Variants in DCC observed in about 807,000 individuals in gnomAD.
DCC encodes the protein netrin receptor DCC.
Under a neutral mutation model 172.5 loss-of-function variants are expected in DCC, and 58 were observed. The ratio of observed to expected loss-of-function variants is 0.34; its 90% CI spans 0.27 to 0.42. DCC has a LOEUF of 0.42. Among genes scored for constraint, DCC ranks in the 10% least tolerant of loss-of-function variants. The probability of loss-of-function intolerance (pLI) is 1.00; values close to 1 mark genes in which losing one functional copy is unlikely to be tolerated. For missense variants in DCC, 1,740 were observed against 1,791.0 expected, an observed-to-expected ratio of 0.97 and a Z score of 0.51; for synonymous variants, 709 against 644.5, an observed-to-expected ratio of 1.10 and a Z score of -1.52.
intron 1 of DCC, among the ~76,000 whole-genome samples, chr18:52,398,689 A>G (rs1044117317): frequency 5.9e-5 from 9 of 152,004 alleles, no homozygotes; most frequent in African/African-American, 2.2e-4. Context: ...ACGTGCCATA[A>G]AACAGCAACT....
At chr18:53,127,123 G>A (rs1204627798) in intron 7 of DCC, among the ~76,000 whole-genome samples, 2 of 145,476 alleles carry the variant, frequency 1.4e-5, no homozygotes, top group East Asian at 4.1e-4. Context: ...TACGAGACTA[G>A]CTTTTGATCG....
intron 1 of DCC, among the ~76,000 whole-genome samples, chr18:52,571,326 CTATAT>C (rs892446410): frequency 4.9e-5 from 7 of 143,460 alleles, no homozygotes; most frequent in Admixed American, 4.2e-4. Context: ...GGGAATCACC[CTATAT>C]ATATTACGGG....
intron 2 of DCC, among the ~76,000 whole-genome samples, chr18:52,764,704 C>T (rs375892018): frequency 3.3e-5 from 5 of 152,054 alleles, no homozygotes; most frequent in African/African-American, 1.2e-4. Context: ...AACCGAAAGC[C>T]AAATGAACGT....
intron 5 of DCC, among the ~76,000 whole-genome samples, chr18:53,054,057 C>G (rs2042370014): frequency 6.6e-6 from 1 of 151,990 alleles, no homozygotes; most frequent in Non-Finnish European, 1.5e-5. Flanking sequence ...TGTGAATGCT[C>G]AAATTCCTGA....
chr18:53,185,998 A>G (rs1273758440), intron 9 of DCC, among the ~76,000 whole-genome samples: 1 of 152,214 alleles, frequency 6.6e-6, no homozygotes, highest in African/African-American at 2.4e-5. Flanking sequence ...TCCGAAGTTC[A>G]ACTGAAAGTG....
intron 12 of DCC, among the ~76,000 whole-genome samples, chr18:53,259,642 C>T (rs997978913): frequency 9.2e-5 from 14 of 152,130 alleles, no homozygotes; most frequent in East Asian, 1.9e-4. Flanking sequence ...CTGCCCTTAA[C>T]ATTTTTTCCT....
intron 2 of DCC, among the ~76,000 whole-genome samples, chr18:52,802,836 G>C (rs2038018614): frequency 6.6e-6 from 1 of 151,032 alleles, no homozygotes; most frequent in African/African-American, 2.4e-5. Context: ...ATAGCCTATT[G>C]TTGACCAGAA....
intron 2 of DCC, among the ~76,000 whole-genome samples, chr18:52,883,682 G>A (rs2039528133): frequency 1.3e-5 from 2 of 150,792 alleles, no homozygotes; most frequent in Admixed American, 1.3e-4. Context: ...AGTTGTGGTA[G>A]TTACTGCTTT....
At chr18:52,477,527 A>C (rs1458533679) in intron 1 of DCC, among the ~76,000 whole-genome samples, 2 of 152,218 alleles carry the variant, frequency 1.3e-5, no homozygotes, top group African/African-American at 4.8e-5. Flanking sequence ...GTTCTCATGC[A>C]TGATTTGCCT....
intron 28 of DCC, among the ~76,000 whole-genome samples, chr18:53,529,150 G>C (rs541260136): frequency 5.3e-5 from 8 of 151,764 alleles, no homozygotes; most frequent in Non-Finnish European, 1.2e-4. Context: ...AAGCCCTGAA[G>C]ATTGGGTAGT....
intron 12 of DCC, among the ~76,000 whole-genome samples, chr18:53,271,683 G>C (rs925029836): frequency 6.6e-6 from 1 of 152,080 alleles, no homozygotes; most frequent in South Asian, 2.1e-4. Flanking sequence ...GCTATCTTTT[G>C]TGACCTTTTT....
intron 1 of DCC, among the ~76,000 whole-genome samples, chr18:52,449,711 A>G (rs145614933): frequency 6.6e-6 from 1 of 152,312 alleles, no homozygotes; most frequent in East Asian, 1.9e-4. Context: ...TGTAGCCTCC[A>G]TAATTCCCAT....
intron 5 of DCC, among the ~76,000 whole-genome samples, chr18:53,009,246 T>C (rs1282563795): frequency 1.3e-5 from 2 of 151,996 alleles, no homozygotes; most frequent in Non-Finnish European, 2.9e-5. Flanking sequence ...CCTATAAATG[T>C]ATTTATAAGC....
intron 7 of DCC, among the ~76,000 whole-genome samples, chr18:53,128,870 CATATAT>C (rs367907467): frequency 0.012 from 915 of 77,426 alleles, 2 homozygotes; most frequent in African/African-American, 0.022. Context: ...CACACACACA[CATATAT>C]ATATATATAT....
intron 5 of DCC, among the ~76,000 whole-genome samples, chr18:52,970,817 G>A (rs2041016954): frequency 6.6e-6 from 1 of 152,136 alleles, no homozygotes; most frequent in African/African-American, 2.4e-5. Context: ...TATGTAGTTA[G>A]TAACAAGTGG....
At chr18:52,802,763 C>T (rs986605424) in intron 2 of DCC, among the ~76,000 whole-genome samples, 7 of 144,710 alleles carry the variant, frequency 4.8e-5, no homozygotes, top group African/African-American at 1.8e-4. Flanking sequence ...GCCTCAGCCT[C>T]CCAAAGTGTA....
chr18:53,391,343 G>A (rs1192564509), intron 16 of DCC, among the ~76,000 whole-genome samples: 4 of 152,154 alleles, frequency 2.6e-5, no homozygotes, highest in South Asian at 4.2e-4. Context: ...CTTTTAAGAA[G>A]CAATGTGCAA....
intron 7 of DCC, among the ~76,000 whole-genome samples, chr18:53,140,029 C>T (rs899723762): frequency 6.6e-6 from 1 of 152,056 alleles, no homozygotes. Context: ...AAATATTTTG[C>T]ATGAATAAAT....
At chr18:52,905,723 T>G (rs1305732059) in intron 2 of DCC, among the ~76,000 whole-genome samples, 1 of 152,200 alleles carries the variant, frequency 6.6e-6, no homozygotes, top group Non-Finnish European at 1.5e-5. Context: ...AATGTGGGAT[T>G]TCACTTCTCT....
Sources: gnomAD v4.1 joint callset for allele counts (sites outside exome capture counted in the v4.1 genomes callset) on GRCh38, gnomAD v4.1.1 for gene constraint, MANE v1.5 for transcripts, NCBI Gene and HGNC (gene_info 2026-07-23, HGNC 2026-07-21) for gene names.